Variants in DNAH11 observed in about 807,000 individuals in gnomAD.
The protein encoded by DNAH11 is axonemal beta dynein heavy chain 11.
DNAH11 carries 442 observed loss-of-function variants against 526.0 expected under a neutral mutation model. That is an observed-to-expected ratio of 0.84 (90% CI 0.78 to 0.91). The LOEUF is 0.91. Among genes scored for constraint, DNAH11 ranks in the 40% least tolerant of loss-of-function variants. The pLI is 0.00. For missense variants in DNAH11, 6,989 were observed against 5,448.7 expected (o/e 1.28, Z -8.90); for synonymous variants, 2,461 against 1,935.9 (o/e 1.27, Z -7.12).
intron 65 of DNAH11, among the ~76,000 whole-genome samples, chr7:21,837,641 T>C (rs1419532593): frequency 3.3e-5 from 5 of 152,132 alleles, no homozygotes; most frequent in Admixed American, 6.6e-5. Context: ...TTTTAATAGA[T>C]CATCGTTACT....
intron 65 of DNAH11, among the ~76,000 whole-genome samples, chr7:21,820,177 T>C (rs1789994799): frequency 6.6e-6 from 1 of 152,180 alleles, no homozygotes; most frequent in Non-Finnish European, 1.5e-5. Context: ...CTGTCAGTCA[T>C]TGAGTAAACC....
chr7:21,828,380 A>C (rs1397433386), intron 65 of DNAH11, among the ~76,000 whole-genome samples: 2 of 152,216 alleles, frequency 1.3e-5, no homozygotes, highest in African/African-American at 4.8e-5. Flanking sequence ...AGTCTGTTCT[A>C]ATTTCCAAAT....
intron 65 of DNAH11, among the ~76,000 whole-genome samples, chr7:21,829,733 A>G (rs1320864869): frequency 1.3e-5 from 2 of 152,224 alleles, no homozygotes; most frequent in African/African-American, 4.8e-5. Flanking sequence ...AAGGGGCATC[A>G]TTCGTTTTCA....
chr7:21,746,202 T>C (rs1424351403), intron 51 of DNAH11, among the ~76,000 whole-genome samples: 2 of 152,238 alleles, frequency 1.3e-5, no homozygotes, highest in East Asian at 3.8e-4. Flanking sequence ...CATCCGATAC[T>C]GCTCTCCTAG....
At chr7:21,739,790 A>G (rs1785793686) in intron 48 of DNAH11, 117 bp downstream of exon 48, 2 of 730,834 alleles carry the variant, frequency 2.7e-6, no homozygotes, top group Middle Eastern at 2.8e-4. Flanking sequence ...CAGCTGTACT[A>G]TATTTTATTC....
chr7:21,758,013 A>G (rs1454579411), intron 54 of DNAH11, among the ~76,000 whole-genome samples: 2 of 152,210 alleles, frequency 1.3e-5, no homozygotes, highest in African/African-American at 2.4e-5. Context: ...TCTTATGCAG[A>G]TAGCCATCTC....
intron 46 of DNAH11, among the ~76,000 whole-genome samples, chr7:21,738,014 G>A (rs879815331): frequency 6.6e-6 from 1 of 152,060 alleles, no homozygotes; most frequent in Non-Finnish European, 1.5e-5. Flanking sequence ...ATTGTCGGTG[G>A]TATAGCAATG....
chr7:21,586,587 A>C (rs944370551), intron 9 of DNAH11, among the ~76,000 whole-genome samples: 1 of 152,202 alleles, frequency 6.6e-6, no homozygotes, highest in East Asian at 1.9e-4. Context: ...AATGTAGTTT[A>C]TGGAAATATT....
chr7:21,576,817 A>C (rs1027831273), intron 8 of DNAH11, among the ~76,000 whole-genome samples: 3 of 152,256 alleles, frequency 2.0e-5, no homozygotes, highest in African/African-American at 7.2e-5. Flanking sequence ...TTATAACAAA[A>C]GTGTGAAAAC....
intron 54 of DNAH11, among the ~76,000 whole-genome samples, chr7:21,753,204 G>C (rs1786487218): frequency 6.6e-6 from 1 of 152,128 alleles, no homozygotes; most frequent in South Asian, 2.1e-4. Flanking sequence ...GGTGGGTGCA[G>C]TATGTTCATG....
At chr7:21,545,832 T>G (rs1252967108) in intron 2 of DNAH11, among the ~76,000 whole-genome samples, 3 of 152,184 alleles carry the variant, frequency 2.0e-5, no homozygotes, top group African/African-American at 7.2e-5. Flanking sequence ...GGACTAGCTT[T>G]GAAGAACAAC....
intron 21 of DNAH11, 96 bp from the exon 22 acceptor site, chr7:21,616,113 A>G: frequency 4.5e-6 from 4 of 892,364 alleles, no homozygotes; most frequent in East Asian, 2.6e-5. Context: ...CCACTGGATG[A>G]TAGAGTTACA....
At chr7:21,830,841 A>G (rs1044959022) in intron 65 of DNAH11, among the ~76,000 whole-genome samples, 2 of 152,234 alleles carry the variant, frequency 1.3e-5, no homozygotes, top group African/African-American at 2.4e-5. Context: ...TGTACTCATA[A>G]TAGGTACTCA....
At chr7:21,596,679 A>C (rs1418207615) in intron 14 of DNAH11, among the ~76,000 whole-genome samples, 1 of 152,240 alleles carries the variant, frequency 6.6e-6, no homozygotes, top group Non-Finnish European at 1.5e-5. Flanking sequence ...CCAAGACATG[A>C]CTAGAAATCA....
intron 42 of DNAH11, among the ~76,000 whole-genome samples, chr7:21,717,085 C>T (rs1440996680): frequency 6.6e-6 from 1 of 151,796 alleles, no homozygotes; most frequent in African/African-American, 2.4e-5. Context: ...ACATTTTTGC[C>T]CTGTAGACTA....
chr7:21,863,922 T>C (rs1319681189), intron 69 of DNAH11, among the ~76,000 whole-genome samples: 2 of 152,244 alleles, frequency 1.3e-5, no homozygotes, highest in East Asian at 3.8e-4. Flanking sequence ...TGGTGTGTTA[T>C]GGTTTTTATG....
At position 21,894,942 on chromosome 7, in the gene DNAH11, C is replaced by G. The variant is rs760795047; in HGVS notation, c.12992C>G (p.Thr4331Arg). 6.2e-7 allele frequency: 1 copy of G among 1,613,834 alleles called. No homozygotes were observed. Among genetic ancestry groups the G allele is most frequent in the African/African-American group, 1.3e-5 (1 of 74,922 alleles). The stretch of plus-strand genomic sequence containing the variant: ...CAGCAGTTTGCATTGAGTTATGACA[C>G]GGTACCAGACACTTGGAGCAAACTG... ...EAQQFALSYDTVPDTWSKLAY... is the reference protein window; with the variant it reads ...EAQQFALSYDRVPDTWSKLAY... The change falls in exon 79 of 82, where the codon ACG becomes AGG. Residue 4331 changes from threonine (T) to arginine (R), a missense_variant. Thr to Arg is a moderately conservative substitution (Grantham distance 71). Transcript: ENST00000409508.
intron 65 of DNAH11, among the ~76,000 whole-genome samples, chr7:21,839,679 T>C (rs1479096029): frequency 6.6e-6 from 1 of 151,924 alleles, no homozygotes; most frequent in Non-Finnish European, 1.5e-5. Flanking sequence ...AACAATTAAA[T>C]AGTAGGAGGT....
chr7:21,852,443 C>T, intron 66 of DNAH11, 24 bp from the exon 67 acceptor site: 1 of 1,592,508 alleles, frequency 6.3e-7, no homozygotes, highest in Non-Finnish European at 8.5e-7. Flanking sequence ...CACCATTTCC[C>T]ACACTTTTCT....
Sources: allele counts gnomAD v4.1 joint callset (sites outside exome capture counted in the v4.1 genomes callset), GRCh38; gene constraint gnomAD v4.1.1; transcripts MANE v1.5; gene names NCBI Gene and HGNC (gene_info 2026-07-23, HGNC 2026-07-21).